GPR39: variants seen among roughly 807,000 people sequenced by gnomAD.
GPR39 encodes the protein G protein-coupled receptor 39.
Under a neutral mutation model 18.4 loss-of-function variants are expected in GPR39, and 23 were observed. The observed-to-expected ratio is 1.25, with a 90% CI of 0.90 to 1.77. The LOEUF is 1.77. Ranked by LOEUF, GPR39 falls within the 40% of genes most tolerant of loss-of-function variation. The pLI, the probability that GPR39 is intolerant of heterozygous loss-of-function variation, is 0.00. For missense variants in GPR39, 647 were observed against 602.4 expected, an observed-to-expected ratio of 1.07 and a Z score of -0.78; for synonymous variants, 280 against 257.9, an observed-to-expected ratio of 1.09 and a Z score of -0.82.
chr2:132,567,287 A>C (rs995582711), intron 1 of GPR39, among the ~76,000 whole-genome samples: 3 of 152,106 alleles, frequency 2.0e-5, no homozygotes, highest in Non-Finnish European at 4.4e-5. Context: ...GCACCACTGC[A>C]CTCCAGCCTG....
chr2:132,499,454 G>A (rs543943240), intron 1 of GPR39, among the ~76,000 whole-genome samples: 1 of 152,222 alleles, frequency 6.6e-6, no homozygotes, highest in African/African-American at 2.4e-5. Flanking sequence ...GGTGACTATG[G>A]CCTTATAGTG....
At chr2:132,561,642 T>G (rs1415106471) in intron 1 of GPR39, among the ~76,000 whole-genome samples, 1 of 151,166 alleles carries the variant, frequency 6.6e-6, no homozygotes, top group African/African-American at 2.4e-5. Context: ...TACATGATGA[T>G]GGAGGCTAAA....
rs921322850 is a variant in GPR39, at chr2:132,588,891, G to A, written c.857-56210G>A. 8.5e-5 allele frequency among the ~76,000 whole-genome samples: 13 copies of A among 152,102 alleles called. 1 individual carries two copies. Among genetic ancestry groups the A allele is most frequent in the African/African-American group, 3.1e-4 (13 of 41,416 alleles). ...CTGTGGGATGAGAGATGTTTTTGCA[G>A]AAACCTTTGGAATCAGCCTCAAATG... is the stretch of plus-strand genomic sequence containing the variant. On this transcript the variant is annotated intron_variant, in intron 1 of 1. Coordinates refer to ENST00000329321, the MANE Select transcript of GPR39 (RefSeq NM_001508.3).
chr2:132,608,033 T>A (rs59886339), intron 1 of GPR39, among the ~76,000 whole-genome samples: 34,803 of 151,940 alleles, frequency 0.23, 4,359 homozygotes, highest in African/African-American at 0.32. Context: ...AATATGATAC[T>A]GAGTTCCATG....
In GPR39 at chr2:132,417,297, C is replaced by T. The variant is rs766093508; in HGVS notation, c.255C>T (p.Ile85=). ...LACSDILVFL[I]GMPMEFYSII... The stretch of plus-strand genomic sequence containing the variant: ...GCTCGGACATCTTGGTGTTCCTCAT[C>T]GGCATGCCCATGGAGTTCTACAGCA... The change falls in exon 1 of 2, where the codon ATC becomes ATT. Residue 85 remains isoleucine (I), a synonymous_variant. Coordinates refer to ENST00000329321, the MANE Select transcript of GPR39 (RefSeq NM_001508.3). The T allele has an allele frequency of 3.7e-6, 6 of 1,614,050 alleles. No homozygotes were observed. In the Admixed American group the frequency reaches 8.3e-5, roughly 22 times the overall value.
intron 1 of GPR39, among the ~76,000 whole-genome samples, chr2:132,533,098 C>G (rs979699055): frequency 1.3e-5 from 2 of 152,080 alleles, no homozygotes; most frequent in Non-Finnish European, 2.9e-5. Context: ...TAGAAAACCC[C>G]ATCGTCTCAG....
intron 1 of GPR39, among the ~76,000 whole-genome samples, chr2:132,578,065 G>C (rs1680558974): frequency 7.9e-6 from 1 of 126,556 alleles, no homozygotes; most frequent in South Asian, 2.6e-4. Flanking sequence ...TATTTTTCTA[G>C]AGTTTTTTTT....
At chr2:132,632,660 A>G (rs1299050504) in intron 1 of GPR39, among the ~76,000 whole-genome samples, 1 of 152,122 alleles carries the variant, frequency 6.6e-6, no homozygotes, top group Non-Finnish European at 1.5e-5. Flanking sequence ...CCATGCCTCC[A>G]CTTTTCTATT....
intron 1 of GPR39, 96 bp downstream of exon 1, chr2:132,417,994 C>T (rs1281651706): frequency 6.9e-7 from 1 of 1,439,364 alleles, no homozygotes; most frequent in Non-Finnish European, 9.3e-7. Flanking sequence ...CAAGTCTTGC[C>T]CTAGAATTGC....
intron 1 of GPR39, among the ~76,000 whole-genome samples, chr2:132,582,184 G>A (rs1680635259): frequency 6.6e-6 from 1 of 152,204 alleles, no homozygotes. Flanking sequence ...GTGAGAAGGA[G>A]GAAGTGGGTT....
intron 1 of GPR39, among the ~76,000 whole-genome samples, chr2:132,477,331 G>C (rs747903657): frequency 5.3e-5 from 8 of 152,106 alleles, no homozygotes; most frequent in Non-Finnish European, 7.3e-5. Context: ...GCATTCAGAG[G>C]CGTGGAGGAC....
At chr2:132,566,325 CA>C (rs1680349601) in intron 1 of GPR39, among the ~76,000 whole-genome samples, 1 of 149,290 alleles carries the variant, frequency 6.7e-6, no homozygotes. Flanking sequence ...GAGTAGGTTG[CA>C]AAAATTTTCT....
At chr2:132,524,723 T>A (rs1156794520) in intron 1 of GPR39, among the ~76,000 whole-genome samples, 1 of 152,184 alleles carries the variant, frequency 6.6e-6, no homozygotes. Flanking sequence ...CTCCAAAATC[T>A]AGTACCCACT....
At chr2:132,492,915 T>C (rs556143873) in intron 1 of GPR39, among the ~76,000 whole-genome samples, 3 of 139,826 alleles carry the variant, frequency 2.1e-5, no homozygotes, top group South Asian at 2.3e-4. Flanking sequence ...ATACACCATA[T>C]ACCATATATA....
intron 1 of GPR39, among the ~76,000 whole-genome samples, chr2:132,511,401 A>G (rs1403921347): frequency 1.3e-5 from 2 of 152,256 alleles, no homozygotes; most frequent in East Asian, 3.8e-4. Context: ...AAAATTTATA[A>G]TACATTCTTC....
intron 1 of GPR39, among the ~76,000 whole-genome samples, chr2:132,448,373 GC>G (rs912260770): frequency 1.3e-5 from 2 of 152,200 alleles, no homozygotes; most frequent in African/African-American, 4.8e-5. Context: ...AACACAAAAG[GC>G]TTTCTCTAAC....
intron 1 of GPR39, among the ~76,000 whole-genome samples, chr2:132,526,370 T>C (rs6710643): frequency 0.34 from 52,071 of 152,034 alleles, 9,474 homozygotes; most frequent in East Asian, 0.74. Flanking sequence ...TGCCTCCCAC[T>C]AAGTTTTTCT....
intron 1 of GPR39, among the ~76,000 whole-genome samples, chr2:132,582,915 CTTTTTTTTTTTTT>C (rs5834320): frequency 6.9e-5 from 7 of 101,642 alleles, no homozygotes; most frequent in Non-Finnish European, 9.6e-5. Flanking sequence ...TTCTTTCTTT[CTTTTTTTTTTTTT>C]TTTTTTTTTG....
intron 1 of GPR39, among the ~76,000 whole-genome samples, chr2:132,552,851 CATAT>C (rs60060171): frequency 7.2e-6 from 1 of 138,788 alleles, no homozygotes; most frequent in Admixed American, 7.3e-5. Context: ...TATATACACA[CATAT>C]ATATATACAT....
Sources: allele counts gnomAD v4.1 joint callset (sites outside exome capture counted in the v4.1 genomes callset), GRCh38; gene constraint gnomAD v4.1.1; transcripts MANE v1.5; gene names NCBI Gene and HGNC (gene_info 2026-07-23, HGNC 2026-07-21).